Variants in RBPJ observed in about 807,000 individuals in gnomAD.
RBPJ encodes recombining binding protein suppressor of hairless.
RBPJ carries 9 observed loss-of-function variants against 67.8 expected under a neutral mutation model. That is an observed-to-expected ratio of 0.13 (90% CI 0.08 to 0.23). The LOEUF is 0.23. Ranked by LOEUF, RBPJ falls within the 10% of genes least tolerant of loss-of-function variation. The pLI is 1.00. For missense variants in RBPJ, 305 were observed against 595.6 expected, an observed-to-expected ratio of 0.51 and a Z score of 5.08; for synonymous variants, 198 against 203.3, an observed-to-expected ratio of 0.97 and a Z score of 0.22.
chr4:26,320,767 C>G, upstream of RBPJ: 2 of 1,554,400 alleles, frequency 1.3e-6, no homozygotes, highest in East Asian at 2.4e-5. Context: ...ATGGACCACA[C>G]GGAGGGCTCG....
At chr4:26,369,879 C>T (rs1362220737) in intron 1 of RBPJ, among the ~76,000 whole-genome samples, 1 of 152,214 alleles carries the variant, frequency 6.6e-6, no homozygotes, top group Admixed American at 6.5e-5. Context: ...GCCCCTTTCT[C>T]TCTCTTCTCC....
chr4:26,312,332 T>C (rs1451808476), intron 1 of RBPJ, among the ~76,000 whole-genome samples: 2 of 152,064 alleles, frequency 1.3e-5, no homozygotes, highest in Non-Finnish European at 2.9e-5. Context: ...GGGGTTTCAC[T>C]GTGTTAGCCA....
At chr4:26,406,041 ATTGT>A in intron 2 of RBPJ, 130 bp from the exon 3 acceptor site, 2 of 554,530 alleles carry the variant, frequency 3.6e-6, no homozygotes, top group Non-Finnish European at 6.5e-6. Context: ...ACTTTGCTTT[ATTGT>A]TTTTGTTTTT....
intron 4 of RBPJ, among the ~76,000 whole-genome samples, chr4:26,418,415 T>G (rs1329556726): frequency 1.3e-5 from 2 of 152,220 alleles, no homozygotes; most frequent in African/African-American, 4.8e-5. Flanking sequence ...AAACTAATAG[T>G]TCCCATAAAA....
At chr4:26,415,669 A>T in intron 4 of RBPJ, 29 bp downstream of exon 4, 1 of 1,574,862 alleles carries the variant, frequency 6.3e-7, no homozygotes, top group Non-Finnish European at 8.6e-7. Flanking sequence ...TTCACCAGAA[A>T]GGGGCACCAT....
At chr4:26,338,783 C>T (rs543807020) in intron 1 of RBPJ, among the ~76,000 whole-genome samples, 1 of 151,964 alleles carries the variant, frequency 6.6e-6, no homozygotes, top group African/African-American at 2.4e-5. Context: ...CCATCTTTCC[C>T]AGGCTGGTCT....
chr4:26,395,355 TG>T (rs1732014084), intron 2 of RBPJ, among the ~76,000 whole-genome samples: 1 of 152,116 alleles, frequency 6.6e-6, no homozygotes, highest in East Asian at 1.9e-4. Context: ...AAGGCTAAGG[TG>T]GGGTGATCCC....
At chr4:26,266,842 T>C (rs1002163700) in intron 1 of RBPJ, among the ~76,000 whole-genome samples, 7 of 152,198 alleles carry the variant, frequency 4.6e-5, no homozygotes, top group Admixed American at 4.6e-4. Context: ...ACCTCAGTGC[T>C]AGAAACACCA....
chr4:26,427,815 GAT>G (rs1170938798), intron 7 of RBPJ, among the ~76,000 whole-genome samples: 2 of 152,132 alleles, frequency 1.3e-5, no homozygotes, highest in African/African-American at 2.4e-5. Context: ...TGAGATGAGA[GAT>G]AGTTATGTTT....
chr4:26,350,982 T>A lies in RBPJ; in HGVS notation c.20+29934T>A, dbSNP rs1004679742. 9.2e-5 allele frequency among the ~76,000 whole-genome samples: 14 copies of A among 152,010 alleles called. 1 individual carries two copies. The highest frequency in any genetic ancestry group is 3.4e-4 in the African/African-American group (14 of 41,386). ...CCCATTTATGCCATAGGTTGCAAAA[T>A]TTTTTTTGTGTGATAGCCTTGAGCA... On this transcript the variant is annotated intron_variant, in intron 1 of 10. Coordinates refer to ENST00000355476, the MANE Select transcript of RBPJ (RefSeq NM_015874.6).
At chr4:26,208,451 T>G (rs1718246601) in intron 1 of RBPJ, among the ~76,000 whole-genome samples, 1 of 152,194 alleles carries the variant, frequency 6.6e-6, no homozygotes, top group African/African-American at 2.4e-5. Flanking sequence ...AACACATGAA[T>G]AGCCACACAG....
chr4:26,203,004 AGGAAAAAAG>A (rs1560208796), intron 1 of RBPJ, among the ~76,000 whole-genome samples: 2 of 147,368 alleles, frequency 1.4e-5, no homozygotes, highest in African/African-American at 2.5e-5. Context: ...GAAGGAAGGA[AGGAAAAAAG>A]AAAAGAAAAG....
At chr4:26,285,187 G>A (rs964940444) in intron 1 of RBPJ, among the ~76,000 whole-genome samples, 3 of 152,018 alleles carry the variant, frequency 2.0e-5, no homozygotes. Flanking sequence ...ATATATCTCA[G>A]TGTCCAGACT....
At chr4:26,277,859 T>C (rs1044096138) in intron 1 of RBPJ, among the ~76,000 whole-genome samples, 3 of 152,246 alleles carry the variant, frequency 2.0e-5, no homozygotes, top group African/African-American at 7.2e-5. Flanking sequence ...CCCATAGGTT[T>C]CTATCGGGCT....
chr4:26,263,878 T>TG (rs975561269), intron 1 of RBPJ, among the ~76,000 whole-genome samples: 3 of 128,786 alleles, frequency 2.3e-5, no homozygotes, highest in African/African-American at 7.6e-5. Flanking sequence ...TCTTTTTTTT[T>TG]TTTGTTTTTG....
chr4:26,349,442 A>G (rs1343181264), intron 1 of RBPJ, among the ~76,000 whole-genome samples: 3 of 152,152 alleles, frequency 2.0e-5, no homozygotes, highest in African/African-American at 7.2e-5. Context: ...TTTTATTTGA[A>G]TATCACTTCT....
chr4:26,331,915 G>A (rs1724305424), intron 1 of RBPJ, among the ~76,000 whole-genome samples: 1 of 152,186 alleles, frequency 6.6e-6, no homozygotes, highest in South Asian at 2.1e-4. Flanking sequence ...GAGAAGAGAG[G>A]CTACAACTTG....
intron 1 of RBPJ, among the ~76,000 whole-genome samples, chr4:26,179,685 T>G (rs1464413686): frequency 6.6e-6 from 1 of 152,062 alleles, no homozygotes; most frequent in African/African-American, 2.4e-5. Flanking sequence ...GGCAACGTTG[T>G]GGAGGAAAGG....
chr4:26,333,581 C>T (rs1347098761), intron 1 of RBPJ, among the ~76,000 whole-genome samples: 3 of 151,696 alleles, frequency 2.0e-5, no homozygotes, highest in Admixed American at 6.6e-5. Context: ...TTGAGATGGA[C>T]GTCTCACTCT....
Sources: allele counts gnomAD v4.1 joint callset (sites outside exome capture counted in the v4.1 genomes callset), GRCh38; gene constraint gnomAD v4.1.1; transcripts MANE v1.5; gene names NCBI Gene and HGNC (gene_info 2026-07-23, HGNC 2026-07-21).